The following AFG2A variants were observed in gnomAD, a reference collection of about 807,000 sequenced individuals.
The protein encoded by AFG2A is AAA ATPase AFG2A.
chr4:123,153,439 A>G, the AFG2A span, among the ~76,000 whole-genome samples: 1 of 152,230 alleles, frequency 6.6e-6, no homozygotes, highest in African/African-American at 2.4e-5. Context: ...GGTAGAGAAG[A>G]AAACTTTTTG....
the AFG2A span, among the ~76,000 whole-genome samples, chr4:123,091,618 GA>G: frequency 6.6e-6 from 1 of 152,130 alleles, no homozygotes; most frequent in Non-Finnish European, 1.5e-5. Context: ...AAAGTAATTA[GA>G]ATAAAAATAA....
chr4:122,992,978 G>GTGTGTA, the AFG2A span, among the ~76,000 whole-genome samples: 314 of 134,940 alleles, frequency 2.3e-3, 1 homozygote, highest in East Asian at 0.012. Flanking sequence ...GTGTGTGTAT[G>GTGTGTA]TGTGTGTGTG....
At chr4:123,064,064 T>G in the AFG2A span, among the ~76,000 whole-genome samples, 1 of 152,200 alleles carries the variant, frequency 6.6e-6, no homozygotes, top group East Asian at 1.9e-4. Flanking sequence ...TTATCTCTTC[T>G]TTGCCCTGTT....
the AFG2A span, among the ~76,000 whole-genome samples, chr4:123,017,414 A>ATTTTTTTTTTTTTTTTTTT: frequency 2.7e-5 from 2 of 74,730 alleles, no homozygotes; most frequent in African/African-American, 7.0e-5. Flanking sequence ...AGCATGGGAA[A>ATTTTTTTTTTTTTTTTTTT]TTTTTTTTTT....
chr4:122,943,783 T>C, the AFG2A span, among the ~76,000 whole-genome samples: 61 of 152,270 alleles, frequency 4.0e-4, no homozygotes, highest in Middle Eastern at 0.014. Context: ...CCGGTTGTTC[T>C]TTTCCATGTT....
At chr4:122,963,991 A>C in the AFG2A span, among the ~76,000 whole-genome samples, 2 of 152,116 alleles carry the variant, frequency 1.3e-5, no homozygotes, top group Non-Finnish European at 2.9e-5. Flanking sequence ...CCCAGCTGTG[A>C]ATCTTCAGCT....
the AFG2A span, among the ~76,000 whole-genome samples, chr4:122,923,528 G>C: frequency 6.6e-5 from 10 of 152,252 alleles, no homozygotes; most frequent in East Asian, 1.9e-3. Context: ...CGTGTCCAAG[G>C]TTTCTCTTTT....
chr4:123,178,746 A>T, the AFG2A span, among the ~76,000 whole-genome samples: 5 of 152,228 alleles, frequency 3.3e-5, no homozygotes, highest in Non-Finnish European at 5.9e-5. Context: ...TTCCTAAAAA[A>T]TATATTAAGA....
chr4:123,194,652 C>T, the AFG2A span, among the ~76,000 whole-genome samples: 2 of 152,080 alleles, frequency 1.3e-5, no homozygotes, highest in Admixed American at 6.6e-5. Flanking sequence ...GGAAATACAT[C>T]AGAATTTTGG....
chr4:123,242,151 G>A, the AFG2A span, among the ~76,000 whole-genome samples: 1,764 of 150,692 alleles, frequency 0.012, 46 homozygotes, highest in African/African-American at 0.041. Context: ...TGGAAGATGG[G>A]AAGAATCAAT....
the AFG2A span, among the ~76,000 whole-genome samples, chr4:123,234,826 C>T: frequency 6.6e-6 from 1 of 152,040 alleles, no homozygotes; most frequent in African/African-American, 2.4e-5. Flanking sequence ...TCTGGCTCCC[C>T]ACCACTTACC....
At chr4:123,073,788 TAATG>T in the AFG2A span, among the ~76,000 whole-genome samples, 1 of 152,226 alleles carries the variant, frequency 6.6e-6, no homozygotes, top group African/African-American at 2.4e-5. Flanking sequence ...TTGACATTTT[TAATG>T]AGTGAGCATT....
the AFG2A span, among the ~76,000 whole-genome samples, chr4:122,988,494 G>A: frequency 6.6e-6 from 1 of 150,724 alleles, no homozygotes; most frequent in African/African-American, 2.4e-5. Context: ...TGACTCCCTG[G>A]TTCAAGGGAT....
At chr4:123,153,011 A>G in the AFG2A span, among the ~76,000 whole-genome samples, 4,390 of 152,264 alleles carry the variant, frequency 0.029, 85 homozygotes, top group Non-Finnish European at 0.036. Flanking sequence ...AATAACAACC[A>G]CATGTATCTG....
chr4:123,080,713 A>G, the AFG2A span, among the ~76,000 whole-genome samples: 1 of 145,052 alleles, frequency 6.9e-6, no homozygotes, highest in Non-Finnish European at 1.5e-5. Flanking sequence ...CCACAGGACA[A>G]CCCACCATGT....
chr4:123,002,804 A>G, the AFG2A span, among the ~76,000 whole-genome samples: 2 of 151,742 alleles, frequency 1.3e-5, no homozygotes, highest in Non-Finnish European at 2.9e-5. Context: ...CTTCTCGAGG[A>G]GTATCTTTGT....
the AFG2A span, among the ~76,000 whole-genome samples, chr4:123,142,879 ATTTGTTGT>A: frequency 6.6e-6 from 1 of 152,140 alleles, no homozygotes; most frequent in Non-Finnish European, 1.5e-5. Context: ...TTGGCTTACA[ATTTGTTGT>A]AAAGTGAGGC....
At chr4:122,943,231 G>C in the AFG2A span, among the ~76,000 whole-genome samples, 2 of 152,158 alleles carry the variant, frequency 1.3e-5, no homozygotes, top group African/African-American at 2.4e-5. Context: ...TGTTGACAGT[G>C]GGGTGTGAAA....
the AFG2A span, among the ~76,000 whole-genome samples, chr4:123,146,836 T>C: frequency 1.3e-5 from 2 of 152,160 alleles, no homozygotes; most frequent in African/African-American, 4.8e-5. Context: ...GCACAGGGTT[T>C]GAGTTCGTTG....
Sources: allele counts gnomAD v4.1 joint callset (sites outside exome capture counted in the v4.1 genomes callset), GRCh38; gene constraint gnomAD v4.1.1; transcripts MANE v1.5; gene names NCBI Gene and HGNC (gene_info 2026-07-23, HGNC 2026-07-21).